The following OSMR variants were observed in gnomAD, a reference collection of about 807,000 sequenced individuals.
The protein encoded by OSMR is oncostatin-M-specific receptor subunit beta.
In OSMR, 81 loss-of-function variants were observed where a neutral mutation model predicts 99.9. The ratio of observed to expected loss-of-function variants is 0.81; its 90% CI spans 0.68 to 0.97. OSMR has a LOEUF of 0.97. Ranked by LOEUF, OSMR falls within the 50% of genes least tolerant of loss-of-function variation. OSMR has a pLI of 0.00. For missense variants in OSMR, 1,099 were observed against 1,153.4 expected, an observed-to-expected ratio of 0.95 and a Z score of 0.68; for synonymous variants, 406 against 410.4, an observed-to-expected ratio of 0.99 and a Z score of 0.13.
chr5:38,894,593 CA>C (rs58535203), intron 7 of OSMR, among the ~76,000 whole-genome samples: 1 of 151,142 alleles, frequency 6.6e-6, no homozygotes, highest in Non-Finnish European at 1.5e-5. Flanking sequence ...TTAAAAAAGA[CA>C]AAAAAAAGGC....
At chr5:38,879,726 C>T (rs965183294) in intron 3 of OSMR, among the ~76,000 whole-genome samples, 1 of 150,034 alleles carries the variant, frequency 6.7e-6, no homozygotes, top group Non-Finnish European at 1.5e-5. Flanking sequence ...CGGGTTCTAG[C>T]GATTCTTCTG....
chr5:38,927,276 G>A (rs1245326321), intron 15 of OSMR, among the ~76,000 whole-genome samples: 1 of 152,198 alleles, frequency 6.6e-6, no homozygotes, highest in East Asian at 1.9e-4. Context: ...GCTCCACTAG[G>A]CAGTGGGGAT....
intron 12 of OSMR, among the ~76,000 whole-genome samples, chr5:38,922,106 A>G (rs1381342069): frequency 6.6e-6 from 1 of 152,212 alleles, no homozygotes; most frequent in Non-Finnish European, 1.5e-5. Context: ...AGCTTTTACA[A>G]AAGCAGAGAC....
chr5:38,900,156 C>G (rs1260881518), intron 7 of OSMR, among the ~76,000 whole-genome samples: 3 of 152,156 alleles, frequency 2.0e-5, no homozygotes, highest in African/African-American at 7.2e-5. Context: ...AGGCGGATAT[C>G]AGCTGAGTTC....
chr5:38,912,998 A>G (rs1292993850), intron 9 of OSMR, among the ~76,000 whole-genome samples: 1 of 152,172 alleles, frequency 6.6e-6, no homozygotes, highest in Non-Finnish European at 1.5e-5. Flanking sequence ...AGGAAACACC[A>G]TTCTGGACAT....
chr5:38,908,400 C>A (rs1745378046), intron 9 of OSMR, among the ~76,000 whole-genome samples: 1 of 152,218 alleles, frequency 6.6e-6, no homozygotes. Flanking sequence ...TACCCCACCC[C>A]AGCTGATGCA....
intron 4 of OSMR, among the ~76,000 whole-genome samples, chr5:38,882,187 C>T (rs1006049362): frequency 7.2e-5 from 11 of 152,140 alleles, no homozygotes; most frequent in African/African-American, 2.7e-4. Flanking sequence ...AGCATACAGT[C>T]GCTGTTGTGA....
intron 1 of OSMR, among the ~76,000 whole-genome samples, chr5:38,866,690 G>T (rs1209230915): frequency 6.6e-6 from 1 of 151,372 alleles, no homozygotes; most frequent in Non-Finnish European, 1.5e-5. Flanking sequence ...ATGGAGGTGG[G>T]CTCTCAATAT....
chr5:38,928,260 G>A (rs974461030), intron 15 of OSMR, among the ~76,000 whole-genome samples: 1 of 152,114 alleles, frequency 6.6e-6, no homozygotes, highest in Admixed American at 6.5e-5. Context: ...CTGATACCCA[G>A]TTCCAAAGTC....
chr5:38,887,390 T>C (rs1178869479), intron 7 of OSMR, among the ~76,000 whole-genome samples: 1 of 152,190 alleles, frequency 6.6e-6, no homozygotes, highest in Non-Finnish European at 1.5e-5. Context: ...GATTTTTTTA[T>C]ATTAAGTGAG....
chr5:38,919,260 T>C, intron 11 of OSMR, 198 bp downstream of exon 11: 1 of 1,515,274 alleles, frequency 6.6e-7, no homozygotes, highest in Non-Finnish European at 8.8e-7. Context: ...AGAAGGAGAC[T>C]TCAGCCATGG....
chr5:38,910,209 C>T (rs924299956), intron 9 of OSMR, among the ~76,000 whole-genome samples: 6 of 152,118 alleles, frequency 3.9e-5, no homozygotes, highest in South Asian at 2.1e-4. Flanking sequence ...AACACAAGAG[C>T]GCACAGATTC....
At chr5:38,917,851 A>G (rs1427366807) in intron 10 of OSMR, among the ~76,000 whole-genome samples, 1 of 152,194 alleles carries the variant, frequency 6.6e-6, no homozygotes, top group Non-Finnish European at 1.5e-5. Context: ...CTGCAACTTC[A>G]ACTCAGGCCA....
At chr5:38,879,375 C>T (rs1743082088) in intron 3 of OSMR, among the ~76,000 whole-genome samples, 1 of 152,158 alleles carries the variant, frequency 6.6e-6, no homozygotes, top group East Asian at 1.9e-4. Flanking sequence ...AAGGAAGTGG[C>T]AAGCTCTGAT....
At chr5:38,846,611 C>G (rs1446778672) in intron 1 of OSMR, among the ~76,000 whole-genome samples, 1 of 152,156 alleles carries the variant, frequency 6.6e-6, no homozygotes, top group African/African-American at 2.4e-5. Context: ...CCCTTGACTC[C>G]CACCTGAGAG....
At chr5:38,881,534 A>G in intron 3 of OSMR, 59 bp from the exon 4 acceptor site, 2 of 1,613,742 alleles carry the variant, frequency 1.2e-6, no homozygotes, top group Non-Finnish European at 8.5e-7. Flanking sequence ...AAGTCAAGTC[A>G]AGCTATTTTA....
chr5:38,895,725 T>G (rs1744461002), intron 7 of OSMR, among the ~76,000 whole-genome samples: 2 of 151,842 alleles, frequency 1.3e-5, no homozygotes, highest in Admixed American at 1.3e-4. Flanking sequence ...CTTGCATAAA[T>G]TATTCCAATG....
chr5:38,927,068 C>T (rs1746505697), intron 15 of OSMR, among the ~76,000 whole-genome samples: 1 of 152,238 alleles, frequency 6.6e-6, no homozygotes, highest in Non-Finnish European at 1.5e-5. Flanking sequence ...CCATGTCTCA[C>T]ATTCAGGTGA....
At chr5:38,921,546 T>A in intron 11 of OSMR, 69 bp from the exon 12 acceptor site, 1 of 1,609,732 alleles carries the variant, frequency 6.2e-7, no homozygotes, top group Non-Finnish European at 8.5e-7. Flanking sequence ...ATTTACTTTC[T>A]ACCTTACACA....
Sources: allele counts gnomAD v4.1 joint callset (sites outside exome capture counted in the v4.1 genomes callset), GRCh38; gene constraint gnomAD v4.1.1; transcripts MANE v1.5; gene names NCBI Gene and HGNC (gene_info 2026-07-23, HGNC 2026-07-21).